Variants in CCDC138 observed in about 807,000 individuals in gnomAD.
The protein encoded by CCDC138 is coiled-coil domain-containing protein 138.
In CCDC138, 66 loss-of-function variants were observed where a neutral mutation model predicts 82.3. The observed-to-expected ratio is 0.80, with a 90% CI of 0.66 to 0.98. The LOEUF (loss-of-function observed/expected upper bound fraction) is 0.98, where lower values mean the gene tolerates loss of function less well. Among genes scored for constraint, CCDC138 ranks in the 50% least tolerant of loss-of-function variants. CCDC138 has a pLI of 0.00. For missense variants in CCDC138, 816 were observed against 758.9 expected (o/e 1.08, Z -0.88); for synonymous variants, 297 against 265.4 (o/e 1.12, Z -1.16).
intron 10 of CCDC138, among the ~76,000 whole-genome samples, chr2:108,825,263 G>A (rs1686361391): frequency 9.6e-6 from 1 of 103,824 alleles, no homozygotes; most frequent in Non-Finnish European, 2.4e-5. Flanking sequence ...TTTTTGTTCT[G>A]GTGGTGGGTT....
intron 10 of CCDC138, among the ~76,000 whole-genome samples, chr2:108,832,350 T>C (rs1418251836): frequency 4.7e-5 from 7 of 148,460 alleles, no homozygotes; most frequent in South Asian, 2.1e-4. Flanking sequence ...CTTTCTTTTT[T>C]TTTTTTTTTT....
intron 12 of CCDC138, among the ~76,000 whole-genome samples, chr2:108,856,100 T>C (rs1171035253): frequency 6.6e-6 from 1 of 152,222 alleles, no homozygotes. Flanking sequence ...CTACTTCATT[T>C]GCAATGATTC....
At chr2:108,811,247 C>CTCTTTTTTTTTTTTTTTTTTTTTTTTTTT (rs760937756) in intron 7 of CCDC138, among the ~76,000 whole-genome samples, 27 of 113,894 alleles carry the variant, frequency 2.4e-4, no homozygotes, top group African/African-American at 3.0e-4. Context: ...TTCTCTCTCT[C>CTCTTTTTTTTTTTTTTTTTTTTTTTTTTT]TTTTTTTTTT....
intron 11 of CCDC138, among the ~76,000 whole-genome samples, chr2:108,841,118 G>A (rs1289526502): frequency 1.3e-5 from 2 of 152,130 alleles, no homozygotes; most frequent in South Asian, 2.1e-4. Flanking sequence ...TTACAGGTGT[G>A]AGCCACCGTG....
In CCDC138 at chr2:108,794,714, A is replaced by C; in HGVS notation, c.569A>C (p.Lys190Thr). The change falls in exon 5 of 15, where the codon AAA becomes ACA. Residue 190 changes from lysine to threonine, a missense_variant. By Grantham distance (78) the Lys-to-Thr change is moderately conservative. Coordinates refer to ENST00000295124, the MANE Select transcript of CCDC138 (RefSeq NM_144978.3). The stretch of plus-strand genomic sequence containing the variant: ...GACGAATTATTTCAGATACATCTGA[A>C]ATTGCAGGTAAGAACTAAATACTGA... Reference protein sequence around the residue: ...IYDELFQIHLKLQCETAAQQK... With the variant: ...IYDELFQIHLTLQCETAAQQK... 2 of 1,609,424 alleles carry C rather than the reference A, an allele frequency of 1.2e-6. No homozygotes were observed. The highest frequency in any genetic ancestry group is 1.7e-6 in the Non-Finnish European group (2 of 1,176,336).
rs191890313 is a variant in CCDC138 at position 108,816,865 on chromosome 2, A to G, written c.1206+760A>G. ...TACACCACCTTGCCAGCTAATTTTT[A>G]AAAAAAATTTTTGTAGAGATCAGAC... On this transcript the variant is annotated intron_variant, in intron 10 of 14. Coordinates refer to ENST00000295124, the MANE Select transcript of CCDC138 (RefSeq NM_144978.3). 2.0e-5 allele frequency among the ~76,000 whole-genome samples: 3 copies of G among 152,012 alleles called. No individual in the cohort carries two copies. The East Asian group carries it at 5.8e-4, about 29-fold the overall frequency.
At chr2:108,838,973 G>A (rs1007956766) in intron 10 of CCDC138, among the ~76,000 whole-genome samples, 12 of 152,248 alleles carry the variant, frequency 7.9e-5, no homozygotes, top group African/African-American at 2.6e-4. Context: ...TAGATGTGCT[G>A]TTATTGCTGG....
intron 9 of CCDC138, among the ~76,000 whole-genome samples, chr2:108,815,026 T>G (rs1684521261): frequency 6.6e-6 from 1 of 152,188 alleles, no homozygotes; most frequent in African/African-American, 2.4e-5. Flanking sequence ...TGAATTAAAT[T>G]AGAAATGTGT....
chr2:108,829,597 T>G (rs538997626), intron 10 of CCDC138, among the ~76,000 whole-genome samples: 2 of 152,150 alleles, frequency 1.3e-5, no homozygotes, highest in Non-Finnish European at 2.9e-5. Context: ...AATATAAAAA[T>G]TAGCCCAGTG....
intron 10 of CCDC138, among the ~76,000 whole-genome samples, chr2:108,819,899 A>T (rs1685375653): frequency 6.6e-6 from 1 of 152,222 alleles, no homozygotes; most frequent in Admixed American, 6.5e-5. Flanking sequence ...AAAAACTGTA[A>T]CCGATAATTT....
chr2:108,875,319 TAAAAA>T (rs66522366), intron 14 of CCDC138, among the ~76,000 whole-genome samples: 28 of 118,456 alleles, frequency 2.4e-4, no homozygotes, highest in East Asian at 2.1e-3. Flanking sequence ...TAAAGTATAA[TAAAAA>T]AAAAAAAAAA....
At chr2:108,823,074 C>T (rs1685973405) in intron 10 of CCDC138, among the ~76,000 whole-genome samples, 1 of 152,124 alleles carries the variant, frequency 6.6e-6, no homozygotes, top group African/African-American at 2.4e-5. Context: ...CCTATAAAAA[C>T]ACAGCTTTCC....
At chr2:108,840,115 GTTC>G (rs1689209749) in intron 11 of CCDC138, among the ~76,000 whole-genome samples, 1 of 151,942 alleles carries the variant, frequency 6.6e-6, no homozygotes, top group Admixed American at 6.6e-5. Context: ...ATTGATACAT[GTTC>G]TTTTTCATCT....
chr2:108,880,796 C>G (rs1207074665), downstream of CCDC138, among the ~76,000 whole-genome samples: 2 of 152,166 alleles, frequency 1.3e-5, no homozygotes. Context: ...TAACAGTGCA[C>G]CCAGTGACCA....
chr2:108,789,893 A>G (rs1374067494), intron 3 of CCDC138, among the ~76,000 whole-genome samples: 1 of 152,266 alleles, frequency 6.6e-6, no homozygotes, highest in East Asian at 1.9e-4. Flanking sequence ...AATATGTGGC[A>G]GAAAGAAATG....
At chr2:108,831,139 A>T (rs1687522082) in intron 10 of CCDC138, among the ~76,000 whole-genome samples, 2 of 152,174 alleles carry the variant, frequency 1.3e-5, no homozygotes, top group South Asian at 4.1e-4. Context: ...CATGCTGCTT[A>T]CTGCACTCCA....
In CCDC138 at chr2:108,876,123, A is replaced by G. The variant is rs201490835; in HGVS notation, c.1868A>G (p.His623Arg). ...AAGCTCTTTGAACTTTTTACGATTC[A>G]TCTGATGCTTCAAGAAATACAAAGG... Reference protein sequence around the residue: ...NKKLFELFTIHLMLQEIQRTT... With the variant: ...NKKLFELFTIRLMLQEIQRTT... Residue 623 changes from histidine to arginine, a missense_variant, in exon 15 of 15, where the codon CAT (histidine) becomes CGT (arginine). Transcript: ENST00000295124. 1.2e-5 allele frequency: 19 copies of G among 1,605,364 alleles called. No individual in the cohort carries two copies. The highest frequency in any genetic ancestry group is 1.1e-4 in the East Asian group (5 of 44,744).
chr2:108,881,873 A>G (rs1696300775), intron 1 of CCDC138, among the ~76,000 whole-genome samples: 2 of 152,140 alleles, frequency 1.3e-5, no homozygotes, highest in South Asian at 2.1e-4. Flanking sequence ...GCCAGGCACG[A>G]TGGCTCACTC....
downstream of CCDC138, among the ~76,000 whole-genome samples, chr2:108,880,227 A>C (rs112134758): frequency 2.7e-5 from 4 of 146,180 alleles, no homozygotes; most frequent in Non-Finnish European, 3.0e-5. Flanking sequence ...AAACAAACAA[A>C]AAAAAAAACG....
Sources: allele counts gnomAD v4.1 joint callset (sites outside exome capture counted in the v4.1 genomes callset), GRCh38; gene constraint gnomAD v4.1.1; transcripts MANE v1.5; gene names NCBI Gene and HGNC (gene_info 2026-07-23, HGNC 2026-07-21).